The following SUGCT variants were observed in gnomAD, a reference collection of about 807,000 sequenced individuals.
SUGCT encodes succinyl-CoA:glutarate CoA-transferase.
SUGCT carries 41 observed loss-of-function variants against 55.0 expected under a neutral mutation model. The observed-to-expected ratio is 0.74, with a 90% confidence interval of 0.58 to 0.97. The LOEUF (loss-of-function observed/expected upper bound fraction) is 0.97, where lower values mean the gene tolerates loss of function less well. SUGCT is among the 50% of genes least tolerant of loss of function. SUGCT has a pLI of 0.00. For synonymous variants in SUGCT, 187 were observed against 200.4 expected (o/e 0.93, Z 0.56); for missense variants, 568 against 547.8 (o/e 1.04, Z -0.37).
At chr7:40,195,229 T>C (rs937283852) in intron 6 of SUGCT, among the ~76,000 whole-genome samples, 169 bp downstream of exon 6, 1 of 148,418 alleles carries the variant, frequency 6.7e-6, no homozygotes, top group East Asian at 1.9e-4. Flanking sequence ...TTTCTTTTTT[T>C]TTTTTTTTTT....
chr7:40,250,045 C>G (rs572552893), intron 7 of SUGCT, among the ~76,000 whole-genome samples: 1 of 152,224 alleles, frequency 6.6e-6, no homozygotes, highest in African/African-American at 2.4e-5. Flanking sequence ...CCTCGGCCTC[C>G]CAAAGTGCTG....
chr7:40,401,140 G>A (rs1786042871), intron 9 of SUGCT, among the ~76,000 whole-genome samples: 1 of 152,090 alleles, frequency 6.6e-6, no homozygotes, highest in African/African-American at 2.4e-5. Flanking sequence ...GGAATAGCCT[G>A]TATCTCATAA....
intron 13 of SUGCT, among the ~76,000 whole-genome samples, chr7:40,802,074 A>G (rs1373585375): frequency 6.6e-6 from 1 of 152,142 alleles, no homozygotes; most frequent in Non-Finnish European, 1.5e-5. Flanking sequence ...CTGAATGGAA[A>G]CAGTGACTTG....
intron 9 of SUGCT, among the ~76,000 whole-genome samples, chr7:40,412,377 C>A (rs972841774): frequency 1.3e-5 from 2 of 152,160 alleles, no homozygotes; most frequent in African/African-American, 4.8e-5. Context: ...TTCTTGGTAG[C>A]CAAAATGTGC....
At chr7:40,534,506 C>T (rs1794257038) in intron 12 of SUGCT, among the ~76,000 whole-genome samples, 1 of 152,164 alleles carries the variant, frequency 6.6e-6, no homozygotes, top group Admixed American at 6.5e-5. Context: ...TCCTCAGCCT[C>T]ACGAGTAGCT....
the SUGCT span, among the ~76,000 whole-genome samples, chr7:40,933,329 T>C: frequency 6.6e-6 from 1 of 152,210 alleles, no homozygotes. Flanking sequence ...CTTCCCTTTG[T>C]GGGTAACTCG....
chr7:40,382,185 T>G (rs951030854), intron 9 of SUGCT, among the ~76,000 whole-genome samples: 20 of 152,116 alleles, frequency 1.3e-4, no homozygotes, highest in African/African-American at 4.6e-4. Flanking sequence ...CTTTTAAGAG[T>G]TTTTATGGGC....
chr7:40,646,644 C>T (rs7782411), intron 12 of SUGCT, among the ~76,000 whole-genome samples: 6,384 of 152,246 alleles, frequency 0.042, 440 homozygotes, highest in African/African-American at 0.15. Context: ...AGTCTTTGCA[C>T]GGCAGGTTAC....
At chr7:40,360,327 T>TA (rs1045616539) in intron 9 of SUGCT, among the ~76,000 whole-genome samples, 187 of 152,306 alleles carry the variant, frequency 1.2e-3, no homozygotes, top group African/African-American at 4.3e-3. Context: ...GATTTTTTTT[T>TA]AAAAATACTG....
At chr7:40,217,414 G>A (rs1431918698) in intron 6 of SUGCT, 1 of 445,680 alleles carries the variant, frequency 2.2e-6, no homozygotes, top group Non-Finnish European at 4.5e-6. Context: ...GTTTTCCCAT[G>A]TTGCCCAGGA....
chr7:40,260,399 T>C (rs1001563533), intron 7 of SUGCT, among the ~76,000 whole-genome samples: 1 of 152,184 alleles, frequency 6.6e-6, no homozygotes, highest in Non-Finnish European at 1.5e-5. Context: ...TCTTTAATTG[T>C]TCTAGGAAAG....
At chr7:40,341,400 G>A (rs956223187) in intron 9 of SUGCT, among the ~76,000 whole-genome samples, 3 of 152,108 alleles carry the variant, frequency 2.0e-5, no homozygotes, top group Non-Finnish European at 4.4e-5. Context: ...TTTCACCACA[G>A]GTAGGTATTA....
intron 9 of SUGCT, among the ~76,000 whole-genome samples, chr7:40,403,988 G>A (rs148851842): frequency 3.3e-5 from 5 of 152,288 alleles, no homozygotes; most frequent in African/African-American, 7.2e-5. Context: ...TCTTTGGTGG[G>A]TTTCCTTTTC....
intron 12 of SUGCT, among the ~76,000 whole-genome samples, chr7:40,589,056 T>A (rs1438066806): frequency 2.6e-5 from 4 of 152,108 alleles, no homozygotes; most frequent in South Asian, 2.1e-4. Flanking sequence ...CTAAATAAAA[T>A]TTTTTCTAAA....
the SUGCT span, among the ~76,000 whole-genome samples, chr7:40,953,646 C>T: frequency 1.3e-5 from 2 of 151,004 alleles, no homozygotes; most frequent in East Asian, 1.9e-4. Context: ...GATGTCCTTT[C>T]TGTTTGTTAG....
At chr7:40,910,779 C>G in the SUGCT span, among the ~76,000 whole-genome samples, 4 of 152,160 alleles carry the variant, frequency 2.6e-5, no homozygotes, top group Non-Finnish European at 5.9e-5. Context: ...ATGACCAGCA[C>G]CCAGCATAGC....
chr7:40,463,992 A>G (rs1023217518), intron 11 of SUGCT, among the ~76,000 whole-genome samples: 41 of 152,180 alleles, frequency 2.7e-4, no homozygotes, highest in African/African-American at 9.9e-4. Flanking sequence ...CTCACACACC[A>G]GATCAGCATT....
intron 13 of SUGCT, among the ~76,000 whole-genome samples, chr7:40,765,372 T>A (rs1331423412): frequency 4.0e-5 from 6 of 151,584 alleles, no homozygotes; most frequent in Admixed American, 1.3e-4. Context: ...ACAAAAAAAA[T>A]GGCTTGAAAA....
chr7:40,952,592 C>A, the SUGCT span, among the ~76,000 whole-genome samples: 1 of 152,096 alleles, frequency 6.6e-6, no homozygotes, highest in Non-Finnish European at 1.5e-5. Flanking sequence ...TGGCTGGTAC[C>A]AGTTGTTCCT....
Sources: gnomAD v4.1 joint callset for allele counts (sites outside exome capture counted in the v4.1 genomes callset) on GRCh38, gnomAD v4.1.1 for gene constraint, MANE v1.5 for transcripts, NCBI Gene and HGNC (gene_info 2026-07-23, HGNC 2026-07-21) for gene names.